BANP: variants seen among roughly 807,000 people sequenced by gnomAD.
BANP encodes BTG3 associated nuclear protein.
In BANP, 11 loss-of-function variants were observed where a neutral mutation model predicts 68.1. The observed-to-expected ratio is 0.16, with a 90% CI of 0.10 to 0.27. The LOEUF (loss-of-function observed/expected upper bound fraction) is 0.27. Among genes scored for constraint, BANP ranks in the 10% least tolerant of loss-of-function variants. The pLI is 1.00. For missense variants in BANP, 504 were observed against 722.7 expected, an observed-to-expected ratio of 0.70 and a Z score of 3.47; for synonymous variants, 329 against 303.2, an observed-to-expected ratio of 1.09 and a Z score of -0.88.
At chr16:87,995,946 A>G (rs1279028574) in intron 4 of BANP, among the ~76,000 whole-genome samples, 1 of 152,244 alleles carries the variant, frequency 6.6e-6, no homozygotes, top group Non-Finnish European at 1.5e-5. Flanking sequence ...CGTTCAGTGC[A>G]GACGTGTTAG....
intron 4 of BANP, among the ~76,000 whole-genome samples, chr16:87,987,287 C>T (rs1444653503): frequency 6.6e-6 from 1 of 152,302 alleles, no homozygotes; most frequent in East Asian, 1.9e-4. Flanking sequence ...CCACATTAGC[C>T]AGGCTGGTCT....
Position 87,955,585 on chromosome 16 carries a change from C to T in BANP, c.-69+4070C>T, listed in dbSNP as rs142735766. Among the ~76,000 whole-genome samples, 1,239 of 152,312 alleles carry T rather than the reference C, an allele frequency of 8.1e-3. 14 individuals carry two copies. The highest frequency in any genetic ancestry group is 0.027 in the African/African-American group (1,139 of 41,546). On this transcript the variant is annotated intron_variant, in intron 1 of 13. Transcript: ENST00000682872. ...CCTCTTGCTGTTTCGGGATCCCCTC[C>T]GGGACCCCACACTGGTGCGTGTGGC...
At chr16:87,956,212 G>A (rs959106869) in intron 1 of BANP, among the ~76,000 whole-genome samples, 4 of 152,208 alleles carry the variant, frequency 2.6e-5, no homozygotes, top group African/African-American at 9.6e-5. Context: ...ACTTGAAAAT[G>A]ACTGTAACTC....
At chr16:88,076,462 A>C in intron 13 of BANP, 128 bp from the exon 14 acceptor site, 1 of 753,632 alleles carries the variant, frequency 1.3e-6, no homozygotes, top group Non-Finnish European at 2.1e-6. Flanking sequence ...TGGGGCCGTC[A>C]GGGCTCCTTC....
At chr16:88,040,712 C>T (rs2080555266) in intron 11 of BANP, among the ~76,000 whole-genome samples, 1 of 152,260 alleles carries the variant, frequency 6.6e-6, no homozygotes, top group Admixed American at 6.5e-5. Flanking sequence ...GCTCCCCGTA[C>T]TGTCCCGGAG....
At chr16:88,035,130 GGAT>G (rs1406631947) in intron 9 of BANP, 190 bp from the exon 10 acceptor site, 2 of 598,842 alleles carry the variant, frequency 3.3e-6, no homozygotes, top group Non-Finnish European at 6.0e-6. Flanking sequence ...AAACCCTCAT[GGAT>G]GAGGGGGACT....
chr16:88,063,086 T>C (rs1357328158), intron 11 of BANP, among the ~76,000 whole-genome samples: 2 of 152,248 alleles, frequency 1.3e-5, no homozygotes, highest in African/African-American at 4.8e-5. Context: ...GGCTGCGCCG[T>C]GCATGGAGGT....
upstream of BANP, among the ~76,000 whole-genome samples, chr16:87,949,938 C>T (rs1195792454): frequency 3.3e-5 from 5 of 149,780 alleles, no homozygotes; most frequent in South Asian, 2.1e-4. Flanking sequence ...AGTCCAGTGG[C>T]GCCATCTCGG....
chr16:88,049,965 G>A (rs1054039882), intron 11 of BANP, among the ~76,000 whole-genome samples: 2 of 152,208 alleles, frequency 1.3e-5, no homozygotes, highest in East Asian at 1.9e-4. Context: ...TCTAATTGGA[G>A]TATAATATGA....
intron 8 of BANP, among the ~76,000 whole-genome samples, chr16:88,030,597 A>G (rs2077969805): frequency 6.6e-6 from 1 of 152,252 alleles, no homozygotes. Flanking sequence ...TTAGGATACC[A>G]GAATCTTGAA....
chr16:87,958,652 A>G (rs1161125963), intron 1 of BANP, among the ~76,000 whole-genome samples: 3 of 152,236 alleles, frequency 2.0e-5, no homozygotes, highest in Non-Finnish European at 2.9e-5. Flanking sequence ...GCAGTGAGCC[A>G]TGATTGCACC....
chr16:87,966,330 G>C (rs1217302156), intron 1 of BANP, among the ~76,000 whole-genome samples: 4 of 152,198 alleles, frequency 2.6e-5, no homozygotes, highest in Admixed American at 6.5e-5. Context: ...ATAGTCGTCA[G>C]AGTAAGAGGC....
chr16:88,066,649 C>T (rs1305222858), intron 12 of BANP, among the ~76,000 whole-genome samples: 1 of 152,190 alleles, frequency 6.6e-6, no homozygotes, highest in Non-Finnish European at 1.5e-5. Context: ...ATGAGAAAAT[C>T]CTAACCCATA....
intron 2 of BANP, among the ~76,000 whole-genome samples, chr16:87,977,527 G>A (rs1434426505): frequency 6.6e-6 from 1 of 152,194 alleles, no homozygotes; most frequent in Non-Finnish European, 1.5e-5. Flanking sequence ...GTACCTTGAT[G>A]TGTCAAGCAC....
At chr16:88,073,698 A>G (rs1423324028) in intron 13 of BANP, among the ~76,000 whole-genome samples, 1 of 152,200 alleles carries the variant, frequency 6.6e-6, no homozygotes, top group East Asian at 1.9e-4. Flanking sequence ...GCCGTTCCAG[A>G]TAGGAGCGCT....
intron 6 of BANP, among the ~76,000 whole-genome samples, chr16:88,011,780 G>A (rs2073193888): frequency 6.6e-6 from 1 of 152,144 alleles, no homozygotes; most frequent in South Asian, 2.1e-4. Context: ...CCAGGAGTGT[G>A]CACTTTTTGC....
rs575090316 is a variant in BANP at position 88,025,239 on chromosome 16, G to A, written c.896-2244G>A. On this transcript the variant is annotated intron_variant, in intron 7 of 13. Coordinates refer to ENST00000682872, the MANE Select transcript of BANP (RefSeq NM_001386991.1). ...GTGCAGTTTGAAAGCTGGGTTTTCC[G>A]GTAACTATGGTGCAACCTCTGGCAG... is the stretch of plus-strand genomic sequence containing the variant. 2.2e-4 allele frequency among the ~76,000 whole-genome samples: 34 copies of A among 152,272 alleles called. No homozygotes were observed. The South Asian group carries it at 6.8e-3, about 31-fold the overall frequency.
chr16:88,013,896 A>G (rs2073851869), intron 6 of BANP, among the ~76,000 whole-genome samples: 1 of 152,208 alleles, frequency 6.6e-6, no homozygotes, highest in African/African-American at 2.4e-5. Flanking sequence ...CAGGAAATCC[A>G]TGGACACAAG....
At position 88,076,681 on chromosome 16, in the gene BANP, G is replaced by T; in HGVS notation, c.*20G>T. 1 of 1,599,810 alleles carries T rather than the reference G, an allele frequency of 6.3e-7. No homozygotes were observed. The highest frequency in any genetic ancestry group is 8.5e-7 in the Non-Finnish European group (1 of 1,176,642). On this transcript the variant is annotated 3_prime_UTR_variant, in exon 14 of 14. Transcript: ENST00000682872. ...CAGTGAGCGGTGCCCATGGCACCAGGAGCCCCTCGCCGGCTCCGCCTACGG... is the reference window on the plus strand; with the variant it reads ...CAGTGAGCGGTGCCCATGGCACCAGTAGCCCCTCGCCGGCTCCGCCTACGG...
Sources: gnomAD v4.1 joint callset for allele counts (sites outside exome capture counted in the v4.1 genomes callset) on GRCh38, gnomAD v4.1.1 for gene constraint, MANE v1.5 for transcripts, NCBI Gene and HGNC (gene_info 2026-07-23, HGNC 2026-07-21) for gene names.